SRGAP3: variants seen among roughly 807,000 people sequenced by gnomAD.
SRGAP3 encodes SLIT-ROBO Rho GTPase-activating protein 3.
SRGAP3 carries 39 observed loss-of-function variants against 121.1 expected under a neutral mutation model. The observed-to-expected ratio is 0.32, with a 90% CI of 0.25 to 0.42. SRGAP3 has a LOEUF of 0.42. SRGAP3 is among the 10% of genes least tolerant of loss of function. SRGAP3 has a pLI of 1.00. For synonymous variants in SRGAP3, 601 were observed against 570.0 expected, an observed-to-expected ratio of 1.05 and a Z score of -0.77; for missense variants, 1,213 against 1,470.6, an observed-to-expected ratio of 0.82 and a Z score of 2.86.
At chr3:9,318,886 AAAAGAAAGAAAAGAAAAG>A (rs1301018172) in intron 3 of SRGAP3, among the ~76,000 whole-genome samples, 11 of 151,542 alleles carry the variant, frequency 7.3e-5, no homozygotes. Context: ...CTCAAGAAAA[AAAAGAAAGAAAAGAAAAG>A]AAAGAAAGAA....
chr3:9,161,403 C>T (rs1443471549), intron 1 of SRGAP3, among the ~76,000 whole-genome samples: 2 of 152,206 alleles, frequency 1.3e-5, no homozygotes, highest in Non-Finnish European at 2.9e-5. Context: ...GTGCTGTGTG[C>T]CAGACACTGC....
chr3:8,992,758 G>T, intron 20 of SRGAP3, 148 bp downstream of exon 20: 2 of 1,454,250 alleles, frequency 1.4e-6, no homozygotes, highest in Non-Finnish European at 1.9e-6. Flanking sequence ...GCCAATGCCA[G>T]CCAGCCCGCC....
chr3:9,348,275 G>A (rs1017661256), intron 1 of SRGAP3, among the ~76,000 whole-genome samples: 1 of 152,144 alleles, frequency 6.6e-6, no homozygotes, highest in African/African-American at 2.4e-5. Context: ...AAGGGTAGCA[G>A]AGAATATGCA....
intron 1 of SRGAP3, among the ~76,000 whole-genome samples, chr3:9,352,905 T>C (rs894913751): frequency 5.3e-5 from 8 of 152,240 alleles, no homozygotes; most frequent in Admixed American, 2.0e-4. Flanking sequence ...CTGATTTCTG[T>C]TGTTGTTCCC....
intron 1 of SRGAP3, among the ~76,000 whole-genome samples, chr3:9,222,468 T>C (rs1400157): frequency 0.059 from 8,943 of 152,298 alleles, 384 homozygotes; most frequent in East Asian, 0.18. Context: ...CATGTATTTC[T>C]ACTACCACCA....
At chr3:9,343,645 A>C (rs564566645) in intron 1 of SRGAP3, among the ~76,000 whole-genome samples, 1 of 152,174 alleles carries the variant, frequency 6.6e-6, no homozygotes, top group African/African-American at 2.4e-5. Context: ...TATTAAAAAG[A>C]TTATATTATG....
intron 18 of SRGAP3, among the ~76,000 whole-genome samples, chr3:8,998,525 T>C (rs1209656581): frequency 7.3e-6 from 1 of 136,494 alleles, no homozygotes; most frequent in Admixed American, 7.9e-5. Flanking sequence ...ATTTATGTGT[T>C]TGTGGTATGG....
At chr3:9,348,406 C>T (rs910287255) in intron 1 of SRGAP3, 14 of 569,500 alleles carry the variant, frequency 2.5e-5, no homozygotes, top group Middle Eastern at 4.9e-4. Flanking sequence ...CCAGAATCCG[C>T]GAACCCCAGT....
At chr3:9,195,655 T>A (rs753204073) in intron 1 of SRGAP3, among the ~76,000 whole-genome samples, 15 of 152,000 alleles carry the variant, frequency 9.9e-5, no homozygotes, top group Non-Finnish European at 1.9e-4. Flanking sequence ...CAGGCTCTAT[T>A]TCTAAAAAAC....
chr3:9,120,548 A>C (rs992688378), intron 2 of SRGAP3, among the ~76,000 whole-genome samples: 3 of 152,248 alleles, frequency 2.0e-5, no homozygotes, highest in African/African-American at 7.2e-5. Context: ...GGCTTCTTGG[A>C]GAGAGAAGCC....
chr3:9,308,594 T>C (rs761323799), intron 3 of SRGAP3, among the ~76,000 whole-genome samples: 11 of 152,182 alleles, frequency 7.2e-5, no homozygotes, highest in Non-Finnish European at 1.3e-4. Context: ...AATGTGTATA[T>C]AGGTGGAACT....
At chr3:9,046,339 T>C (rs1945277201) in intron 10 of SRGAP3, among the ~76,000 whole-genome samples, 1 of 152,110 alleles carries the variant, frequency 6.6e-6, no homozygotes. Flanking sequence ...ACTGAAATGC[T>C]CTACCCCCTG....
At chr3:9,361,121 G>C (rs1051762362) in intron 1 of SRGAP3, among the ~76,000 whole-genome samples, 3 of 151,724 alleles carry the variant, frequency 2.0e-5, no homozygotes, top group African/African-American at 7.3e-5. Flanking sequence ...TTTTATTTTT[G>C]AGACAAGGTC....
chr3:9,334,484 G>A lies in SRGAP3; in HGVS notation n.215-3888C>T, dbSNP rs141357045. On this transcript the variant is annotated intron_variant and non_coding_transcript_variant, in intron 1 of 3. Transcript: ENST00000490889. ...TTAACTAATCCAACCAGGGTATGGA[G>A]GGAGGGAAAGAAGGAAAGAAACATC... 3.3e-4 allele frequency among the ~76,000 whole-genome samples: 51 copies of A among 152,282 alleles called. No individual in the cohort carries two copies. In the East Asian group the frequency reaches 9.1e-3, roughly 27 times the overall value.
intron 8 of SRGAP3, 52 bp downstream of exon 8, chr3:9,056,181 C>A (rs1945812946): frequency 2.5e-6 from 4 of 1,581,978 alleles, no homozygotes; most frequent in South Asian, 1.1e-5. Context: ...CTCCCTGGGA[C>A]AAGCCAGGCC....
At chr3:9,136,711 G>C (rs1322868472) in intron 1 of SRGAP3, among the ~76,000 whole-genome samples, 1 of 152,204 alleles carries the variant, frequency 6.6e-6, no homozygotes, top group Non-Finnish European at 1.5e-5. Flanking sequence ...GAAGGGAAAG[G>C]GGCTGCCTGA....
intron 17 of SRGAP3, among the ~76,000 whole-genome samples, chr3:9,011,008 C>T (rs989063073): frequency 6.7e-6 from 1 of 149,106 alleles, no homozygotes; most frequent in Admixed American, 6.8e-5. Context: ...TTATAAGCTT[C>T]TTGAGGCAAG....
Position 9,088,866 on chromosome 3 carries a change from G to T in SRGAP3, c.424-8779C>A, listed in dbSNP as rs576643807. On this transcript the variant is annotated intron_variant, in intron 3 of 21. Transcript: ENST00000383836. ...TGTTTCAAGTACGGTGGCCCCTTCG[G>T]TACGGGCTTGTGCTACTGCTGGTCC... Among the ~76,000 whole-genome samples, 16 of 152,220 alleles carry T rather than the reference G, an allele frequency of 1.1e-4. No homozygotes were observed. The East Asian group carries it at 3.1e-3, about 29-fold the overall frequency.
chr3:9,179,016 A>G (rs1218537915), intron 1 of SRGAP3, among the ~76,000 whole-genome samples: 1 of 152,074 alleles, frequency 6.6e-6, no homozygotes, highest in African/African-American at 2.4e-5. Context: ...TCCCCTGTTC[A>G]TACCAGCCTC....
Sources: gnomAD v4.1 joint callset for allele counts (sites outside exome capture counted in the v4.1 genomes callset) on GRCh38, gnomAD v4.1.1 for gene constraint, MANE v1.5 for transcripts, NCBI Gene and HGNC (gene_info 2026-07-23, HGNC 2026-07-21) for gene names.